PDS5A: variants seen among roughly 807,000 people sequenced by gnomAD.
The protein encoded by PDS5A is sister chromatid cohesion protein PDS5 homolog A.
PDS5A carries 42 observed loss-of-function variants against 167.1 expected under a neutral mutation model. The ratio of observed to expected loss-of-function variants is 0.25; its 90% confidence interval spans 0.20 to 0.33. The LOEUF (loss-of-function observed/expected upper bound fraction) is 0.33. Among genes scored for constraint, PDS5A ranks in the 10% least tolerant of loss-of-function variants. The pLI, the probability that PDS5A is intolerant of heterozygous loss-of-function variation, is 1.00. For synonymous variants in PDS5A, 553 were observed against 554.6 expected, an observed-to-expected ratio of 1.00 and a Z score of 0.04; for missense variants, 1,033 against 1,605.9, an observed-to-expected ratio of 0.64 and a Z score of 6.10.
At chr4:39,960,206 T>C (rs1729352414) in intron 2 of PDS5A, among the ~76,000 whole-genome samples, 1 of 152,080 alleles carries the variant, frequency 6.6e-6, no homozygotes, top group Non-Finnish European at 1.5e-5. Flanking sequence ...GAGGCAAAGG[T>C]TGCAGTGAGC....
chr4:39,975,732 C>G (rs1042053565), intron 2 of PDS5A, among the ~76,000 whole-genome samples: 3 of 152,168 alleles, frequency 2.0e-5, no homozygotes, highest in Non-Finnish European at 4.4e-5. Context: ...GACTCAGAAC[C>G]ACTGCTTCAA....
chr4:39,960,342 CAT>C (rs1729367129), intron 2 of PDS5A, among the ~76,000 whole-genome samples: 1 of 152,130 alleles, frequency 6.6e-6, no homozygotes, highest in Non-Finnish European at 1.5e-5. Context: ...TAAAATATCA[CAT>C]AATACACAAA....
At chr4:39,867,081 T>C in intron 22 of PDS5A, 84 bp from the exon 23 acceptor site, 1 of 1,034,876 alleles carries the variant, frequency 9.7e-7, no homozygotes, top group Non-Finnish European at 1.4e-6. Context: ...ATTAATGAGA[T>C]TACTCATCTC....
chr4:39,956,731 G>T (rs995064210), intron 2 of PDS5A, among the ~76,000 whole-genome samples: 1 of 151,366 alleles, frequency 6.6e-6, no homozygotes, highest in Non-Finnish European at 1.5e-5. Flanking sequence ...GGAGTGCTGC[G>T]GCACAATTAT....
At position 39,920,389 on chromosome 4, in the gene PDS5A, T is replaced by C. The variant is rs1313323731; in HGVS notation, c.665A>G (p.Lys222Arg). 1 of 1,506,156 alleles carries C rather than the reference T, an allele frequency of 6.6e-7. No homozygotes were observed. Among genetic ancestry groups the C allele is most frequent in the African/African-American group, 1.4e-5 (1 of 72,548 alleles). 93.3% of individuals were successfully genotyped at this position (1,506,156 alleles called of 1,614,324 possible). A position where few individuals can be genotyped will look rare whatever the true frequency, so the allele number is the denominator to read the frequency against. ...CACTTTTGCAAGGTCAAAGGACTGT[T>C]TATTTAAGTTCTGAAAAATAATAAA... ...NLIPAHKNLNKQSFDLAKVLL... is the reference protein window; with the variant it reads ...NLIPAHKNLNRQSFDLAKVLL... Residue 222 changes from lysine to arginine, a missense_variant, in exon 7 of 33, where the codon AAA (lysine) becomes AGA (arginine). Physicochemically the swap from Lys to Arg is conservative, Grantham distance 26. This residue lies in a region of PDS5A where 388 missense variants were observed against 615.1 expected (regional missense o/e 0.63). Coordinates refer to ENST00000303538, the MANE Select transcript of PDS5A (RefSeq NM_001100399.2).
chr4:39,877,755 C>T (rs1285147791), intron 18 of PDS5A, among the ~76,000 whole-genome samples: 1 of 152,026 alleles, frequency 6.6e-6, no homozygotes, highest in Non-Finnish European at 1.5e-5. Flanking sequence ...TACAGGTGCA[C>T]CACCATGCCC....
intron 17 of PDS5A, among the ~76,000 whole-genome samples, chr4:39,884,930 T>C (rs1721283702): frequency 6.6e-6 from 1 of 152,076 alleles, no homozygotes. Flanking sequence ...GGAAATTGAT[T>C]ATATTTAGAA....
At chr4:39,863,178 G>C in intron 24 of PDS5A, 105 bp from the exon 25 acceptor site, 1 of 960,454 alleles carries the variant, frequency 1.0e-6, no homozygotes, top group Admixed American at 2.5e-5. Context: ...AATTATATGG[G>C]AGAATAAATA....
At chr4:39,930,724 A>G (rs1019141255) in intron 2 of PDS5A, among the ~76,000 whole-genome samples, 1 of 152,094 alleles carries the variant, frequency 6.6e-6, no homozygotes, top group Non-Finnish European at 1.5e-5. Context: ...TTTTTCTAAC[A>G]TAGTATATCA....
At chr4:39,860,701 T>C (rs1264311108) in intron 26 of PDS5A, among the ~76,000 whole-genome samples, 2 of 152,112 alleles carry the variant, frequency 1.3e-5, no homozygotes, top group Non-Finnish European at 2.9e-5. Context: ...TGAACAGAAC[T>C]TGAAGTCATT....
chr4:39,932,009 A>T (rs1182768801), intron 2 of PDS5A, among the ~76,000 whole-genome samples: 1 of 151,630 alleles, frequency 6.6e-6, no homozygotes, highest in Admixed American at 6.6e-5. Context: ...CTTCTGCCTC[A>T]GCCTCCCAAG....
intron 22 of PDS5A, among the ~76,000 whole-genome samples, chr4:39,867,733 A>AACACACACACACAC (rs142147688): frequency 5.0e-4 from 65 of 130,702 alleles, no homozygotes; most frequent in Non-Finnish European, 8.3e-4. Context: ...AAAAAACCAA[A>AACACACACACACAC]ACACACACAC....
At chr4:39,908,262 TAGG>T (rs748252214) in intron 11 of PDS5A, 130 bp downstream of exon 11, 5 of 747,162 alleles carry the variant, frequency 6.7e-6, no homozygotes, top group African/African-American at 5.3e-5. Context: ...ACATACAAAT[TAGG>T]AGCTCTTTAT....
At chr4:39,958,698 T>A (rs1328452507) in intron 2 of PDS5A, among the ~76,000 whole-genome samples, 1 of 151,524 alleles carries the variant, frequency 6.6e-6, no homozygotes, top group East Asian at 2.0e-4. Flanking sequence ...CACTGCAACC[T>A]CTGTCTCGTG....
At chr4:39,968,095 C>T (rs1190177599) in intron 2 of PDS5A, among the ~76,000 whole-genome samples, 1 of 152,028 alleles carries the variant, frequency 6.6e-6, no homozygotes, top group African/African-American at 2.4e-5. Context: ...ATGGAATTTG[C>T]ACAGCTATTT....
At chr4:39,946,653 G>A (rs1727800008) in intron 2 of PDS5A, among the ~76,000 whole-genome samples, 1 of 152,154 alleles carries the variant, frequency 6.6e-6, no homozygotes, top group African/African-American at 2.4e-5. Flanking sequence ...GGTGGCTCAT[G>A]CCTGTAATCC....
At chr4:39,958,869 A>G (rs1251881231) in intron 2 of PDS5A, among the ~76,000 whole-genome samples, 6 of 152,130 alleles carry the variant, frequency 3.9e-5, no homozygotes, top group African/African-American at 1.4e-4. Context: ...TTGGCCTCCT[A>G]AAGTGCCGGT....
At chr4:39,924,633 G>C (rs896845453) in intron 5 of PDS5A, among the ~76,000 whole-genome samples, 1 of 152,202 alleles carries the variant, frequency 6.6e-6, no homozygotes, top group African/African-American at 2.4e-5. Flanking sequence ...AACATGAGGA[G>C]GGCCACATGT....
chr4:39,961,361 C>T (rs555321871), intron 2 of PDS5A, among the ~76,000 whole-genome samples: 61 of 151,996 alleles, frequency 4.0e-4, no homozygotes, highest in Admixed American at 9.2e-4. Context: ...GGTAGTGGCG[C>T]CATCTCGGCT....
Sources: allele counts gnomAD v4.1 joint callset (sites outside exome capture counted in the v4.1 genomes callset), GRCh38; gene constraint gnomAD v4.1.1; regional missense constraint gnomAD v4.1.1; transcripts MANE v1.5; gene names NCBI Gene and HGNC (gene_info 2026-07-23, HGNC 2026-07-21).